The following CDH3 variants were observed in gnomAD, a reference collection of about 807,000 sequenced individuals.
The protein encoded by CDH3 is cadherin 3.
A neutral mutation model predicts 82.0 loss-of-function variants in CDH3; 54 were observed. That is an observed-to-expected ratio of 0.66 (90% confidence interval 0.53 to 0.83). The LOEUF is 0.83. Among genes scored for constraint, CDH3 ranks in the 40% least tolerant of loss-of-function variants. The pLI is 0.00. For synonymous variants in CDH3, 446 were observed against 437.9 expected (o/e 1.02, Z -0.23); for missense variants, 1,054 against 1,084.6 (o/e 0.97, Z 0.40).
Position 68,698,560 on chromosome 16 carries a change from CTT to C in CDH3, c.*161_*162del. 1 of 642,150 alleles carries C rather than the reference CTT, an allele frequency of 1.6e-6. No individual in the cohort carries two copies. Among genetic ancestry groups the C allele is most frequent in the Admixed American group, 2.7e-5 (1 of 37,562 alleles). 39.8% of individuals were successfully genotyped at this position (642,150 alleles called of 1,614,324 possible). On this transcript the variant is annotated 3_prime_UTR_variant, in exon 16 of 16. Transcript: ENST00000264012. ...AGTCTGACGTTAGAGTGGTGGCTTC[CTT>C]AGCCTTTCAGGATGGAGGAATGTGG...
At chr16:68,685,442 CAT>C in intron 11 of CDH3, 92 bp downstream of exon 11, 1 of 1,413,072 alleles carries the variant, frequency 7.1e-7, no homozygotes. Context: ...CAGGTGGGAA[CAT>C]GTGTCGAGGA....
intron 2 of CDH3, among the ~76,000 whole-genome samples, chr16:68,668,116 A>G (rs1444707434): frequency 6.6e-6 from 1 of 152,182 alleles, no homozygotes; most frequent in Admixed American, 6.5e-5. Context: ...TGTGGGAGAA[A>G]CTGAGGCTAA....
chr16:68,671,235 C>T lies in CDH3; in HGVS notation c.161-5150C>T, dbSNP rs531803622. 2.6e-5 allele frequency among the ~76,000 whole-genome samples: 4 copies of T among 151,784 alleles called. No homozygotes were observed. In the South Asian group the frequency reaches 8.4e-4, roughly 32 times the overall value. Reference sequence around the variant, plus strand: ...CAAACTCCTGGGCTCAAGCAATCTGCCCACCTCAGCCTCCCAAGTAGCTGG... The same window carrying T: ...CAAACTCCTGGGCTCAAGCAATCTGTCCACCTCAGCCTCCCAAGTAGCTGG... On this transcript the variant is annotated intron_variant, in intron 2 of 15. Transcript: ENST00000264012.
chr16:68,696,740 C>CA (rs1961731424), intron 15 of CDH3: 1 of 152,548 alleles, frequency 6.6e-6, no homozygotes, highest in African/African-American at 2.4e-5. Context: ...TTTAGACAAA[C>CA]AAGAGACATC....
In CDH3 at chr16:68,707,273, A is replaced by G. The variant is rs1961976506; in HGVS notation, c.99+11350A>G. On this transcript the variant is annotated intron_variant, in intron 1 of 2. Coordinates refer to the CDH3 transcript ENST00000569080. The surrounding 1 kb of genome is among the most constrained non-coding windows in gnomAD (Gnocchi z 4.5). Reference sequence around the variant, plus strand: ...AGAGTGTGTGCAGAGATGAGGTTGGACAGGTAAGGAGCGGGGGGCCAAGGC... The same window carrying G: ...AGAGTGTGTGCAGAGATGAGGTTGGGCAGGTAAGGAGCGGGGGGCCAAGGC... 6.6e-6 allele frequency among the ~76,000 whole-genome samples: 1 copy of G among 152,138 alleles called. No homozygotes were observed. The highest frequency in any genetic ancestry group is 1.5e-5 in the Non-Finnish European group (1 of 67,998).
At chr16:68,703,090 C>A (rs1961916776), downstream of CDH3, among the ~76,000 whole-genome samples, 1 of 152,178 alleles carries the variant, frequency 6.6e-6, no homozygotes, top group South Asian at 2.1e-4. Context: ...AGCGGCCAGG[C>A]CTCACTTCAT....
chr16:68,705,111 A>G (rs1247415754), downstream of CDH3, among the ~76,000 whole-genome samples: 2 of 152,204 alleles, frequency 1.3e-5, no homozygotes, highest in Non-Finnish European at 2.9e-5. Flanking sequence ...TACGATCAGG[A>G]AGCAGCAGAG....
At position 68,687,600 on chromosome 16, in the gene CDH3, C is replaced by T; in HGVS notation, c.1659C>T (p.Ile553=). 3 of 1,614,144 alleles carry T rather than the reference C, an allele frequency of 1.9e-6. No individual in the cohort carries two copies. Among genetic ancestry groups the T allele is most frequent in the South Asian group, 1.1e-5 (1 of 91,078 alleles). Residue 553 remains isoleucine, a synonymous_variant, in exon 12 of 16, where the codon ATC becomes ATT. Coordinates refer to ENST00000264012, the MANE Select transcript of CDH3 (RefSeq NM_001793.6). ...DHGPVPEPRQ[I]TICNQSPVRQ... ...GCCCAGTCCCTGAGCCCCGTCAGAT[C>T]ACCATCTGCAACCAAAGCCCTGTGC...
In CDH3 at chr16:68,679,973, A is replaced by G; in HGVS notation, c.866A>G (p.Glu289Gly). Residue 289 changes from glutamate (E) to glycine (G), a missense_variant and splice_region_variant, in exon 7 of 16, where the codon GAA becomes GGA. Transcript: ENST00000264012. ...ISVISSGLDR[E>G]KVPEYTLTIQ... Reference sequence around the variant, plus strand: ...GTCATCTCCAGTGGCCTGGACCGGGAAGTGAGTGGCCCTTAGGGAAAGTAC... The same window carrying G: ...GTCATCTCCAGTGGCCTGGACCGGGGAGTGAGTGGCCCTTAGGGAAAGTAC... 6.2e-7 allele frequency: 1 copy of G among 1,614,072 alleles called. No homozygotes were observed. The highest frequency in any genetic ancestry group is 8.5e-7 in the Non-Finnish European group (1 of 1,179,932).
intron 4 of CDH3, 32 bp from the exon 5 acceptor site, chr16:68,678,469 C>T: frequency 6.2e-7 from 1 of 1,613,964 alleles, no homozygotes; most frequent in African/African-American, 1.3e-5. Context: ...ATATTTGTTA[C>T]TTTGTCAGCT....
chr16:68,657,758 G>T (rs910685911), intron 2 of CDH3, among the ~76,000 whole-genome samples: 1 of 152,168 alleles, frequency 6.6e-6, no homozygotes, highest in Admixed American at 6.5e-5. Context: ...ATGGGGAATG[G>T]GGAGGTATAA....
chr16:68,692,312 C>G (rs1345719985), intron 13 of CDH3, among the ~76,000 whole-genome samples: 1 of 152,128 alleles, frequency 6.6e-6, no homozygotes, highest in Non-Finnish European at 1.5e-5. Flanking sequence ...GCTGGGATTA[C>G]AGGTGTGAGC....
intron 2 of CDH3, among the ~76,000 whole-genome samples, chr16:68,670,453 AT>A (rs1960857631): frequency 6.6e-6 from 1 of 151,912 alleles, no homozygotes; most frequent in South Asian, 2.1e-4. Context: ...GGGTCTACAC[AT>A]TCCCGGTTGG....
At chr16:68,704,644 A>G (rs1043380155), downstream of CDH3, among the ~76,000 whole-genome samples, 1 of 152,260 alleles carries the variant, frequency 6.6e-6, no homozygotes, top group African/African-American at 2.4e-5. Flanking sequence ...CCACACAGGG[A>G]GTCAGCTGGG....
chr16:68,645,604 C>A, intron 1 of CDH3, 32 bp from the exon 2 acceptor site: 2 of 1,523,996 alleles, frequency 1.3e-6, no homozygotes, highest in African/African-American at 1.4e-5. Context: ...CGCCTGGACC[C>A]AGCCTCCTTC....
intron 12 of CDH3, among the ~76,000 whole-genome samples, chr16:68,689,857 G>A (rs944331522): frequency 5.9e-5 from 9 of 152,044 alleles, no homozygotes; most frequent in Non-Finnish European, 1.0e-4. Flanking sequence ...GGGTAGAAAC[G>A]TGGGGGTTGT....
At chr16:68,682,851 A>C (rs1161112523) in intron 9 of CDH3, among the ~76,000 whole-genome samples, 1 of 152,204 alleles carries the variant, frequency 6.6e-6, no homozygotes, top group Non-Finnish European at 1.5e-5. Context: ...TTAGATAATA[A>C]AATGTTTTGA....
intron 12 of CDH3, among the ~76,000 whole-genome samples, chr16:68,690,198 G>A (rs71395873): frequency 1.3e-5 from 2 of 152,328 alleles, no homozygotes; most frequent in South Asian, 4.1e-4. Context: ...AATACCTGCT[G>A]CAGCCTCATT....
chr16:68,702,660 T>A (rs373975068), downstream of CDH3, among the ~76,000 whole-genome samples: 29 of 151,698 alleles, frequency 1.9e-4, no homozygotes, highest in East Asian at 4.1e-3. Flanking sequence ...AGGTCAGGAG[T>A]TTGAGACCAG....
Sources: gnomAD v4.1 joint callset for allele counts (sites outside exome capture counted in the v4.1 genomes callset) on GRCh38, gnomAD v4.1.1 for gene constraint, Gnocchi (gnomAD v3.1) non-coding constraint, MANE v1.5 for transcripts, NCBI Gene and HGNC (gene_info 2026-07-23, HGNC 2026-07-21) for gene names.